STK32B: variants seen among roughly 807,000 people sequenced by gnomAD.
STK32B encodes serine/threonine kinase 32B.
STK32B carries 43 observed loss-of-function variants against 52.6 expected under a neutral mutation model. The ratio of observed to expected loss-of-function variants is 0.82; its 90% CI spans 0.64 to 1.05. The LOEUF (loss-of-function observed/expected upper bound fraction) is 1.05, where lower values mean the gene tolerates loss of function less well. Among genes scored for constraint, STK32B ranks in the 50% least tolerant of loss-of-function variants. The pLI, the probability that STK32B is intolerant of heterozygous loss-of-function variation, is 0.00. For synonymous variants in STK32B, 238 were observed against 204.3 expected, an observed-to-expected ratio of 1.17 and a Z score of -1.41; for missense variants, 621 against 534.6, an observed-to-expected ratio of 1.16 and a Z score of -1.59.
intron 8 of STK32B, 44 bp downstream of exon 8, chr4:5,456,967 GAGTGTAGA>G: frequency 7.0e-7 from 1 of 1,424,360 alleles, no homozygotes; most frequent in Non-Finnish European, 9.5e-7. Context: ...GAGCTACGGT[GAGTGTAGA>G]AACAGCCATA....
chr4:5,158,426 C>T (rs1319687466), intron 2 of STK32B, among the ~76,000 whole-genome samples: 1 of 152,098 alleles, frequency 6.6e-6, no homozygotes, highest in Non-Finnish European at 1.5e-5. Flanking sequence ...CTCTTTGTTC[C>T]CCTCCACCTG....
chr4:5,435,865 GA>G (rs1714022906), intron 6 of STK32B: 1 of 152,380 alleles, frequency 6.6e-6, no homozygotes, highest in South Asian at 2.1e-4. Flanking sequence ...AGATGGTAAG[GA>G]AGTGATAATA....
intron 3 of STK32B, among the ~76,000 whole-genome samples, chr4:5,201,071 C>G (rs1722099081): frequency 6.6e-6 from 1 of 152,176 alleles, no homozygotes; most frequent in Admixed American, 6.5e-5. Flanking sequence ...AGTTGCCCCA[C>G]TCAGTAGTAA....
chr4:5,293,933 A>C (rs1729040341), intron 3 of STK32B, among the ~76,000 whole-genome samples: 1 of 152,104 alleles, frequency 6.6e-6, no homozygotes, highest in Non-Finnish European at 1.5e-5. Context: ...TCTTATGTTT[A>C]AGTCTTTAAT....
intron 11 of STK32B, among the ~76,000 whole-genome samples, chr4:5,494,262 C>T (rs1720008757): frequency 6.6e-6 from 1 of 152,056 alleles, no homozygotes; most frequent in South Asian, 2.1e-4. Flanking sequence ...TCTGGGTGCT[C>T]CTGTATTGGG....
intron 3 of STK32B, among the ~76,000 whole-genome samples, chr4:5,292,920 C>T (rs2108885789): frequency 6.6e-6 from 1 of 152,062 alleles, no homozygotes; most frequent in East Asian, 1.9e-4. Context: ...CAGTATTTCT[C>T]CTAATGCTAT....
intron 6 of STK32B, among the ~76,000 whole-genome samples, chr4:5,439,852 A>T (rs562931599): frequency 0.011 from 1,649 of 151,840 alleles, 19 homozygotes; most frequent in Middle Eastern, 0.027. Context: ...ACCATTTATT[A>T]AATAGGGAAT....
intron 3 of STK32B, among the ~76,000 whole-genome samples, chr4:5,252,641 T>TA (rs1381888762): frequency 6.6e-6 from 1 of 152,220 alleles, no homozygotes; most frequent in African/African-American, 2.4e-5. Context: ...CATTGTCACT[T>TA]ATTCACTTTT....
intron 4 of STK32B, among the ~76,000 whole-genome samples, chr4:5,381,614 C>T (rs564568466): frequency 1.3e-5 from 2 of 152,378 alleles, no homozygotes; most frequent in Non-Finnish European, 2.9e-5. Context: ...ACTCTGTTTA[C>T]TTCTTGCCTT....
At chr4:5,265,360 T>A (rs1726992220) in intron 3 of STK32B, among the ~76,000 whole-genome samples, 1 of 152,248 alleles carries the variant, frequency 6.6e-6, no homozygotes, top group Non-Finnish European at 1.5e-5. Context: ...CATGGGCTTC[T>A]GCAGGTCCAG....
intron 11 of STK32B, among the ~76,000 whole-genome samples, chr4:5,483,217 T>C (rs541916791): frequency 2.0e-5 from 3 of 151,682 alleles, no homozygotes; most frequent in Admixed American, 1.3e-4. Context: ...CATCTGGTCC[T>C]GGACTCTTTT....
upstream of STK32B, among the ~76,000 whole-genome samples, chr4:5,050,953 C>T (rs1577608902): frequency 1.3e-5 from 2 of 152,130 alleles, no homozygotes; most frequent in Non-Finnish European, 2.9e-5. Context: ...CTGTCTGGGG[C>T]CTCAGTTTCC....
chr4:5,178,453 C>G (rs1435708832), intron 3 of STK32B, among the ~76,000 whole-genome samples: 4 of 152,202 alleles, frequency 2.6e-5, no homozygotes, highest in South Asian at 2.1e-4. Context: ...TCTGACATGT[C>G]CTGGAGACAT....
intron 1 of STK32B, among the ~76,000 whole-genome samples, chr4:5,078,863 T>A (rs1163270838): frequency 6.6e-6 from 1 of 152,098 alleles, no homozygotes; most frequent in Admixed American, 6.6e-5. Flanking sequence ...GGAAGTGGAG[T>A]TATAGTGGAA....
chr4:5,078,955 T>C (rs571860593), intron 1 of STK32B, among the ~76,000 whole-genome samples: 1 of 152,338 alleles, frequency 6.6e-6, no homozygotes, highest in Admixed American at 6.5e-5. Context: ...CTGTTAAAAG[T>C]AAAATTGTTT....
At chr4:5,147,840 A>G (rs886197805) in intron 2 of STK32B, among the ~76,000 whole-genome samples, 9 of 151,974 alleles carry the variant, frequency 5.9e-5, no homozygotes, top group African/African-American at 1.9e-4. Flanking sequence ...AGAATTTTAC[A>G]TCACATTCAT....
chr4:5,123,341 C>G (rs1715175247), intron 1 of STK32B, among the ~76,000 whole-genome samples: 1 of 152,194 alleles, frequency 6.6e-6, no homozygotes, highest in Non-Finnish European at 1.5e-5. Flanking sequence ...TTCCTTGGAG[C>G]CTCATGCAGC....
intron 1 of STK32B, among the ~76,000 whole-genome samples, chr4:5,100,335 C>A (rs923692180): frequency 1.5e-5 from 2 of 135,122 alleles, no homozygotes; most frequent in African/African-American, 2.7e-5. Context: ...CTCCCTCCCT[C>A]CCTCCCTTCC....
chr4:5,496,554 C>CGGT (rs1560097804), intron 11 of STK32B, among the ~76,000 whole-genome samples: 6 of 116,736 alleles, frequency 5.1e-5, no homozygotes, highest in South Asian at 2.3e-4. Context: ...TTGCCCTGCA[C>CGGT]CCACTGTCCT....
Sources: gnomAD v4.1 joint callset for allele counts (sites outside exome capture counted in the v4.1 genomes callset) on GRCh38, gnomAD v4.1.1 for gene constraint, MANE v1.5 for transcripts, NCBI Gene and HGNC (gene_info 2026-07-23, HGNC 2026-07-21) for gene names.